CTNNA3: variants seen among roughly 807,000 people sequenced by gnomAD.
CTNNA3 encodes catenin alpha 3.
Under a neutral mutation model 95.7 loss-of-function variants are expected in CTNNA3, and 76 were observed. The ratio of observed to expected loss-of-function variants is 0.79; its 90% CI spans 0.66 to 0.96. CTNNA3 has a LOEUF of 0.96. CTNNA3 is among the 40% of genes least tolerant of loss of function. The probability of loss-of-function intolerance (pLI) is 0.00; values close to 1 mark genes in which losing one functional copy is unlikely to be tolerated. For synonymous variants in CTNNA3, 431 were observed against 374.4 expected (o/e 1.15, Z -1.74); for missense variants, 1,191 against 1,089.8 (o/e 1.09, Z -1.31).
chr10:67,009,920 G>T (rs1281470530), intron 7 of CTNNA3, among the ~76,000 whole-genome samples: 2 of 151,936 alleles, frequency 1.3e-5, no homozygotes, highest in Admixed American at 1.3e-4. Context: ...TTCATCTCTG[G>T]CATTCTCTGG....
At chr10:66,463,195 G>A (rs1019206631) in intron 11 of CTNNA3, among the ~76,000 whole-genome samples, 2 of 152,164 alleles carry the variant, frequency 1.3e-5, no homozygotes, top group Admixed American at 6.5e-5. Context: ...CTTGTGGGAG[G>A]TGTTGAGTCA....
At chr10:66,557,654 T>C (rs975537533) in intron 10 of CTNNA3, among the ~76,000 whole-genome samples, 2 of 152,118 alleles carry the variant, frequency 1.3e-5, no homozygotes, top group South Asian at 2.1e-4. Context: ...CAGGACTTCG[T>C]CATTTCTGGC....
chr10:66,971,325 C>G (rs893245920), intron 7 of CTNNA3, among the ~76,000 whole-genome samples: 5 of 152,060 alleles, frequency 3.3e-5, no homozygotes, highest in Non-Finnish European at 5.9e-5. Context: ...ACTCAGGAGG[C>G]TGAGGCAGAA....
At chr10:66,905,208 A>C (rs1174512247) in intron 7 of CTNNA3, among the ~76,000 whole-genome samples, 4 of 152,200 alleles carry the variant, frequency 2.6e-5, no homozygotes, top group African/African-American at 9.7e-5. Context: ...AGATGAGTGC[A>C]TGTCCTTTGC....
intron 9 of CTNNA3, among the ~76,000 whole-genome samples, chr10:66,717,814 T>C (rs1233657848): frequency 6.6e-6 from 1 of 152,194 alleles, no homozygotes; most frequent in African/African-American, 2.4e-5. Context: ...GGTGATTTCC[T>C]TGAGAATGCT....
intron 10 of CTNNA3, among the ~76,000 whole-genome samples, chr10:66,610,948 C>A (rs896502610): frequency 2.2e-4 from 34 of 151,958 alleles, no homozygotes; most frequent in African/African-American, 8.0e-4. Context: ...TATACATGCA[C>A]ACATACAATG....
intron 10 of CTNNA3, among the ~76,000 whole-genome samples, chr10:66,572,492 C>T (rs1156278876): frequency 2.0e-5 from 3 of 151,396 alleles, no homozygotes; most frequent in Non-Finnish European, 4.4e-5. Flanking sequence ...TCTATACATA[C>T]ACCTTATGCT....
intron 9 of CTNNA3, among the ~76,000 whole-genome samples, chr10:66,762,565 T>C (rs1027736000): frequency 6.6e-6 from 1 of 151,422 alleles, no homozygotes; most frequent in East Asian, 2.0e-4. Context: ...TGAGGTCTCC[T>C]CCTGTATTAT....
At chr10:67,549,388 T>G (rs565073929) in intron 3 of CTNNA3, among the ~76,000 whole-genome samples, 52 of 152,264 alleles carry the variant, frequency 3.4e-4, no homozygotes, top group Middle Eastern at 3.4e-3. Context: ...AGAATGCATC[T>G]CTCTCGGAAA....
intron 5 of CTNNA3, among the ~76,000 whole-genome samples, chr10:67,327,650 C>T (rs1164278056): frequency 1.3e-5 from 2 of 152,148 alleles, no homozygotes; most frequent in African/African-American, 4.8e-5. Context: ...TCAGTACACT[C>T]CAACGGGTGG....
chr10:67,740,146 C>A (rs1408979203), intron 1 of CTNNA3, among the ~76,000 whole-genome samples: 1 of 152,086 alleles, frequency 6.6e-6, no homozygotes, highest in African/African-American at 2.4e-5. Context: ...ACACCTTATA[C>A]AAAAATTAAT....
intron 13 of CTNNA3, among the ~76,000 whole-genome samples, chr10:66,130,641 G>A (rs1271072520): frequency 6.6e-6 from 1 of 151,778 alleles, no homozygotes; most frequent in Non-Finnish European, 1.5e-5. Context: ...TCTCGAGTTC[G>A]AGACCATCCT....
At chr10:66,196,655 C>T (rs916303341) in intron 13 of CTNNA3, among the ~76,000 whole-genome samples, 7 of 152,180 alleles carry the variant, frequency 4.6e-5, no homozygotes, top group African/African-American at 1.7e-4. Flanking sequence ...ATCTCATGTC[C>T]TGTTGAAGGA....
chr10:67,265,505 AG>A (rs1866786043), intron 5 of CTNNA3, among the ~76,000 whole-genome samples: 1 of 152,106 alleles, frequency 6.6e-6, no homozygotes, highest in African/African-American at 2.4e-5. Context: ...AAGATAAGAG[AG>A]TTGATTCACT....
intron 7 of CTNNA3, among the ~76,000 whole-genome samples, chr10:66,915,151 T>C (rs781136192): frequency 1.6e-4 from 24 of 146,496 alleles, no homozygotes; most frequent in Non-Finnish European, 3.3e-4. Context: ...GAAGGACACG[T>C]CTCCATATTT....
chr10:66,950,271 C>A (rs1001993243), intron 7 of CTNNA3, among the ~76,000 whole-genome samples: 2 of 151,978 alleles, frequency 1.3e-5, no homozygotes, highest in South Asian at 4.2e-4. Flanking sequence ...ACTTCTATAG[C>A]CATTAAAATT....
intron 1 of CTNNA3, among the ~76,000 whole-genome samples, chr10:67,741,360 G>C (rs28769021): frequency 7.6e-6 from 1 of 131,158 alleles, no homozygotes; most frequent in Non-Finnish European, 1.7e-5. Context: ...AAAAAAAAAA[G>C]AAAAGAAAAG....
rs1210482029 is a variant in CTNNA3, at chr10:67,296,934, C to CAAAAAAAAAAAAA, written c.580-77077_580-77065dup. ...GGGCAACAAGAATGAAACGCTGTCTCAAAAAAAAAAAAAAAAAAAAAAAAA... is the reference window on the plus strand; with the variant it reads ...GGGCAACAAGAATGAAACGCTGTCTCAAAAAAAAAAAAAAAAAAAAAAAAAAAAAAAAAAAAAA... On this transcript the variant is annotated intron_variant, in intron 5 of 17. Transcript: ENST00000433211. 5.3e-3 allele frequency among the ~76,000 whole-genome samples: 93 copies of CAAAAAAAAAAAAA among 17,662 alleles called. 9 individuals carry two copies. The highest frequency in any genetic ancestry group is 9.4e-3 in the African/African-American group (47 of 5,022). 11.6% of individuals were successfully genotyped at this position (17,662 alleles called of 152,430 possible).
intron 9 of CTNNA3, among the ~76,000 whole-genome samples, chr10:66,702,727 AG>A (rs1774361541): frequency 7.9e-6 from 1 of 127,142 alleles, no homozygotes; most frequent in Non-Finnish European, 1.6e-5. Flanking sequence ...AAAAAAAAAA[AG>A]AATAAGTAGT....
Sources: allele counts gnomAD v4.1 joint callset (sites outside exome capture counted in the v4.1 genomes callset), GRCh38; gene constraint gnomAD v4.1.1; transcripts MANE v1.5; gene names NCBI Gene and HGNC (gene_info 2026-07-23, HGNC 2026-07-21).